The following NAV1 variants were observed in gnomAD, a reference collection of about 807,000 sequenced individuals.
NAV1 encodes pore membrane and/or filament interacting like protein 3.
NAV1 carries 18 observed loss-of-function variants against 175.2 expected under a neutral mutation model. The observed-to-expected ratio is 0.10, with a 90% CI of 0.07 to 0.15. The LOEUF (loss-of-function observed/expected upper bound fraction) is 0.15. NAV1 is among the 10% of genes least tolerant of loss of function. The probability of loss-of-function intolerance (pLI) is 1.00; values close to 1 mark genes in which losing one functional copy is unlikely to be tolerated. For missense variants in NAV1, 1,731 were observed against 2,436.6 expected (o/e 0.71, Z 6.10); for synonymous variants, 897 against 978.7 (o/e 0.92, Z 1.56).
intron 15 of NAV1, chr1:201,797,280 T>A (rs182340923): frequency 6.6e-6 from 1 of 152,244 alleles, no homozygotes; most frequent in Non-Finnish European, 1.5e-5. Context: ...AGGAAATCAA[T>A]TGACTATACA....
intron 2 of NAV1, among the ~76,000 whole-genome samples, chr1:201,609,033 G>T (rs1667772190): frequency 1.3e-5 from 2 of 152,228 alleles, no homozygotes; most frequent in Non-Finnish European, 2.9e-5. Context: ...TGCTGGAATT[G>T]CTTGCCCCGC....
intron 1 of NAV1, 111 bp from the exon 6 acceptor site, chr1:201,712,706 T>C: frequency 1.4e-6 from 1 of 740,132 alleles, no homozygotes; most frequent in Admixed American, 1.9e-5. Flanking sequence ...GTGACTATCA[T>C]GGCCCAGGGA....
chr1:201,803,879 C>A (rs958755236), intron 16 of NAV1, among the ~76,000 whole-genome samples, 165 bp downstream of exon 20: 1 of 152,128 alleles, frequency 6.6e-6, no homozygotes, highest in African/African-American at 2.4e-5. Flanking sequence ...ATTCTCCCTT[C>A]CCTCAATCAT....
rs1665451041 is a variant in NAV1 at position 201,539,803 on chromosome 1, C to A, written c.-144+461C>A. ...CAAGAGTTAACTCCTCCCATCCCAG[C>A]AGGAGCCAGAGGAACAGCTGGGGCA... On this transcript the variant is annotated intron_variant, in intron 1 of 33. Transcript: ENST00000685211. The surrounding 1 kb of genome is among the most constrained non-coding windows in gnomAD (Gnocchi z 5.6). 6.6e-6 allele frequency among the ~76,000 whole-genome samples: 1 copy of A among 152,200 alleles called. No individual in the cohort carries two copies. The highest frequency in any genetic ancestry group is 2.1e-4 in the South Asian group (1 of 4,832).
At chr1:201,736,606 T>C (rs1401046146) in intron 3 of NAV1, among the ~76,000 whole-genome samples, 1 of 152,138 alleles carries the variant, frequency 6.6e-6, no homozygotes, top group African/African-American at 2.4e-5. Flanking sequence ...CTCCCAGGAA[T>C]CTGGCTGAGG....
chr1:201,659,515 G>A (rs1669527799), intron 1 of NAV1, among the ~76,000 whole-genome samples: 1 of 152,202 alleles, frequency 6.6e-6, no homozygotes, highest in Non-Finnish European at 1.5e-5. Context: ...AGCTGCTCAG[G>A]AGGCTTAGGT....
rs71138347 is a variant in NAV1, at chr1:201,701,032, A to AAAG, written c.758-11785_758-11784insAAG. ...CTCAAAAAAAAAAAAAAAAAAAAAA[A>AAAG]GAAAGAAAAGAAAATGTGGCACTTG... On this transcript the variant is annotated intron_variant, in intron 1 of 29. Coordinates refer to ENST00000367296, the Ensembl canonical transcript of NAV1. Among the ~76,000 whole-genome samples, 15 of 142,588 alleles carry AAAG rather than the reference A, an allele frequency of 1.1e-4. No individual in the cohort carries two copies. The South Asian group carries it at 1.8e-3, about 17-fold the overall frequency. 93.5% of individuals were successfully genotyped at this position (142,588 alleles called of 152,430 possible).
chr1:201,581,079 G>A (rs1666846115), intron 1 of NAV1, among the ~76,000 whole-genome samples: 1 of 152,214 alleles, frequency 6.6e-6, no homozygotes, highest in South Asian at 2.1e-4. Flanking sequence ...GAAGTTAGCA[G>A]AGGTAGGGAA....
chr1:201,642,684 C>T (rs1282623028), intron 2 of NAV1, among the ~76,000 whole-genome samples: 2 of 99,340 alleles, frequency 2.0e-5, no homozygotes, highest in Admixed American at 9.1e-5. Flanking sequence ...CCCTCTCTTT[C>T]TTCCCTTTCT....
At chr1:201,596,787 C>A (rs1192165287) in intron 2 of NAV1, among the ~76,000 whole-genome samples, 2 of 151,866 alleles carry the variant, frequency 1.3e-5, no homozygotes, top group African/African-American at 4.8e-5. Flanking sequence ...ACAAGCAGGG[C>A]GGGTTGTTTT....
intron 2 of NAV1, among the ~76,000 whole-genome samples, chr1:201,639,012 C>T (rs572254741): frequency 1.8e-4 from 28 of 152,222 alleles, no homozygotes; most frequent in African/African-American, 6.3e-4. Context: ...AAAGGCAGAG[C>T]GGTGTGCGAT....
intron 3 of NAV1, among the ~76,000 whole-genome samples, chr1:201,732,240 G>A (rs974368988): frequency 6.6e-5 from 10 of 152,162 alleles, no homozygotes; most frequent in Non-Finnish European, 1.2e-4. Flanking sequence ...CTCCCAAGTA[G>A]CTGGGACTAC....
intron 1 of NAV1, among the ~76,000 whole-genome samples, chr1:201,541,264 T>C (rs1175922777): frequency 6.6e-6 from 1 of 152,196 alleles, no homozygotes; most frequent in Non-Finnish European, 1.5e-5. Flanking sequence ...GCCAAACTAA[T>C]AGAATTGGGG....
intron 3 of NAV1, among the ~76,000 whole-genome samples, chr1:201,733,015 G>A (rs1672931873): frequency 6.6e-6 from 1 of 152,008 alleles, no homozygotes; most frequent in African/African-American, 2.4e-5. Flanking sequence ...AGGTTGCAGT[G>A]AGCTGAGATC....
intron 2 of NAV1, among the ~76,000 whole-genome samples, chr1:201,596,802 G>GTTT (rs1667359158): frequency 6.7e-6 from 1 of 150,240 alleles, no homozygotes; most frequent in Non-Finnish European, 1.5e-5. Flanking sequence ...TGTTTTTTTA[G>GTTT]TTTGTTTGTT....
chr1:201,788,210 G>C lies in NAV1; in HGVS notation c.2996-258G>C, dbSNP rs1038196775. On this transcript the variant is annotated intron_variant, in intron 9 of 29. Coordinates refer to ENST00000367296, the Ensembl canonical transcript of NAV1. This position sits in a 1 kb window ranked among gnomAD's most constrained non-coding sequence, Gnocchi z 5.7. The stretch of plus-strand genomic sequence containing the variant: ...AAGCAACAACTCTGAGGCAGGCAGG[G>C]TTGAGGGAAGGTCTTTATTCCAGAC... Among the ~76,000 whole-genome samples, 6 of 152,150 alleles carry C rather than the reference G, an allele frequency of 3.9e-5. No homozygotes were observed. The highest frequency in any genetic ancestry group is 1.4e-4 in the African/African-American group (6 of 41,428).
rs1676437292 is a variant in NAV1 at position 201,783,016 on chromosome 1, C to T, written c.2357+147C>T. ...CTCTTTCCCACCTCTCCCCCATATGCCAAGGTTCTGAAAGAATCTAGTTTC... is the reference window on the plus strand; with the variant it reads ...CTCTTTCCCACCTCTCCCCCATATGTCAAGGTTCTGAAAGAATCTAGTTTC... On this transcript the variant is annotated intron_variant, in intron 6 of 29. Coordinates refer to ENST00000367296, the Ensembl canonical transcript of NAV1. 4.4e-6 allele frequency: 3 copies of T among 684,592 alleles called. No homozygotes were observed. The East Asian group carries it at 8.4e-5, about 19-fold the overall frequency. The allele number at this position is 684,592 out of a possible 1,614,324, so 42.4% of individuals were successfully genotyped here.
chr1:201,737,139 G>A (rs934231503), intron 3 of NAV1, among the ~76,000 whole-genome samples: 2 of 152,146 alleles, frequency 1.3e-5, no homozygotes, highest in Admixed American at 1.3e-4. Context: ...AAAACTCCCA[G>A]ACAACATTTC....
chr1:201,621,652 T>C (rs927413032), upstream of NAV1, among the ~76,000 whole-genome samples: 8 of 152,200 alleles, frequency 5.3e-5, no homozygotes, highest in African/African-American at 1.9e-4. Flanking sequence ...ATTTTTATAG[T>C]TTATTGATGT....
Sources: allele counts gnomAD v4.1 joint callset (sites outside exome capture counted in the v4.1 genomes callset), GRCh38; gene constraint gnomAD v4.1.1; non-coding constraint Gnocchi (gnomAD v3.1); transcripts MANE v1.5; gene names NCBI Gene and HGNC (gene_info 2026-07-23, HGNC 2026-07-21).